Variants in ADARB2 observed in about 807,000 individuals in gnomAD.
The protein encoded by ADARB2 is adenosine deaminase RNA specific B2 (inactive).
Under a neutral mutation model 62.2 loss-of-function variants are expected in ADARB2, and 25 were observed. The ratio of observed to expected loss-of-function variants is 0.40; its 90% CI spans 0.29 to 0.56. The LOEUF (loss-of-function observed/expected upper bound fraction) is 0.56, where lower values mean the gene tolerates loss of function less well. ADARB2 is among the 20% of genes least tolerant of loss of function. The pLI is 0.43. For synonymous variants in ADARB2, 572 were observed against 500.8 expected (o/e 1.14, Z -1.90); for missense variants, 1,071 against 1,077.4 (o/e 0.99, Z 0.08).
chr10:1,660,739 A>G (rs1834236082), intron 1 of ADARB2, among the ~76,000 whole-genome samples: 1 of 152,176 alleles, frequency 6.6e-6, no homozygotes, highest in East Asian at 1.9e-4. Context: ...CCTTGGCCCC[A>G]AAGTCTCTGA....
chr10:1,219,685 G>A (rs1026468289), intron 6 of ADARB2, among the ~76,000 whole-genome samples: 3 of 152,004 alleles, frequency 2.0e-5, no homozygotes, highest in Non-Finnish European at 4.4e-5. Flanking sequence ...GGTGGTGATG[G>A]TGATAATGGA....
intron 1 of ADARB2, among the ~76,000 whole-genome samples, chr10:1,496,140 T>A (rs111170557): frequency 0.094 from 14,233 of 151,732 alleles, 1,116 homozygotes; most frequent in East Asian, 0.32. Context: ...TTAGTCATCA[T>A]AATCACCATC....
At chr10:1,228,697 G>A (rs771248517) in intron 6 of ADARB2, among the ~76,000 whole-genome samples, 1 of 152,204 alleles carries the variant, frequency 6.6e-6, no homozygotes, top group Non-Finnish European at 1.5e-5. Flanking sequence ...CTGAGTCTGC[G>A]GTCTCTGTCG....
intron 1 of ADARB2, among the ~76,000 whole-genome samples, chr10:1,548,179 A>T (rs1408902020): frequency 2.0e-5 from 3 of 152,102 alleles, no homozygotes; most frequent in African/African-American, 7.2e-5. Flanking sequence ...GGCTCAGGTG[A>T]GTTTTCCAGC....
intron 1 of ADARB2, among the ~76,000 whole-genome samples, chr10:1,531,023 T>C (rs1218197963): frequency 6.6e-6 from 1 of 152,192 alleles, no homozygotes; most frequent in African/African-American, 2.4e-5. Flanking sequence ...CCTGAGCATT[T>C]CTGCCTCCCA....
intron 1 of ADARB2, among the ~76,000 whole-genome samples, chr10:1,705,392 G>A (rs957865610): frequency 2.0e-5 from 3 of 152,174 alleles, no homozygotes; most frequent in East Asian, 3.9e-4. Context: ...GGTCCTGGGG[G>A]ACCGGAGAGG....
chr10:1,321,804 T>A (rs1831798277), intron 3 of ADARB2, among the ~76,000 whole-genome samples: 1 of 152,194 alleles, frequency 6.6e-6, no homozygotes, highest in African/African-American at 2.4e-5. Context: ...GTAAGCCCTG[T>A]ACTCTAATGT....
intron 3 of ADARB2, among the ~76,000 whole-genome samples, chr10:1,289,257 A>G (rs1308024663): frequency 6.6e-6 from 1 of 152,204 alleles, no homozygotes; most frequent in Non-Finnish European, 1.5e-5. Context: ...GTCTTTCCAG[A>G]CTGAACCAAT....
At chr10:1,648,623 G>A (rs1271189840) in intron 1 of ADARB2, among the ~76,000 whole-genome samples, 1 of 152,108 alleles carries the variant, frequency 6.6e-6, no homozygotes, top group African/African-American at 2.4e-5. Context: ...TGGCCCCCGT[G>A]GAAACATGTT....
intron 4 of ADARB2, among the ~76,000 whole-genome samples, chr10:1,250,877 G>A (rs1001055598): frequency 4.6e-5 from 7 of 152,186 alleles, no homozygotes; most frequent in African/African-American, 1.4e-4. Context: ...GTCACTGTGG[G>A]GATGGGGTGT....
intron 1 of ADARB2, among the ~76,000 whole-genome samples, chr10:1,576,498 C>T (rs1833023348): frequency 6.6e-6 from 1 of 152,136 alleles, no homozygotes; most frequent in South Asian, 2.1e-4. Flanking sequence ...TGCTATGGTT[C>T]TGTGGTGCTG....
At chr10:1,604,184 AT>A (rs891416710) in intron 1 of ADARB2, among the ~76,000 whole-genome samples, 2 of 152,162 alleles carry the variant, frequency 1.3e-5, no homozygotes, top group African/African-American at 2.4e-5. Context: ...AGAAAAATAT[AT>A]TTTTTTCAGC....
chr10:1,190,632 G>C (rs1836829558), intron 8 of ADARB2, among the ~76,000 whole-genome samples: 1 of 152,146 alleles, frequency 6.6e-6, no homozygotes, highest in South Asian at 2.1e-4. Context: ...CCCAGCCTCT[G>C]CTCAATCCCA....
At chr10:1,397,972 C>T (rs1439337228) in intron 1 of ADARB2, among the ~76,000 whole-genome samples, 3 of 139,366 alleles carry the variant, frequency 2.2e-5, no homozygotes, top group Admixed American at 2.1e-4. Flanking sequence ...TCCGTCTCTC[C>T]CCTCCCGAGT....
At chr10:1,528,122 C>T (rs905957665) in intron 1 of ADARB2, among the ~76,000 whole-genome samples, 1 of 152,216 alleles carries the variant, frequency 6.6e-6, no homozygotes, top group Non-Finnish European at 1.5e-5. Context: ...TCGACAAACT[C>T]GTGTCCGCGG....
intron 3 of ADARB2, among the ~76,000 whole-genome samples, chr10:1,354,476 CTT>C (rs1201524950): frequency 2.6e-5 from 4 of 151,932 alleles, no homozygotes; most frequent in African/African-American, 9.7e-5. Flanking sequence ...CGCTGATTCT[CTT>C]TTTGGACTCA....
intron 8 of ADARB2, among the ~76,000 whole-genome samples, chr10:1,186,310 C>T (rs932649126): frequency 2.6e-5 from 4 of 152,212 alleles, no homozygotes; most frequent in Admixed American, 1.3e-4. Flanking sequence ...GGGGGAGGCA[C>T]GTGCTGTTTG....
intron 3 of ADARB2, among the ~76,000 whole-genome samples, chr10:1,346,702 G>A (rs57522688): frequency 0.046 from 6,993 of 152,310 alleles, 177 homozygotes; most frequent in South Asian, 0.098. Flanking sequence ...GCCCCACCCC[G>A]TCTCCTGCTC....
At chr10:1,574,601 T>C (rs1588308198) in intron 1 of ADARB2, among the ~76,000 whole-genome samples, 4 of 152,302 alleles carry the variant, frequency 2.6e-5, no homozygotes, top group Admixed American at 2.6e-4. Context: ...CCTGTCCTTA[T>C]AGACCCTGCT....
Sources: allele counts gnomAD v4.1 joint callset (sites outside exome capture counted in the v4.1 genomes callset), GRCh38; gene constraint gnomAD v4.1.1; transcripts MANE v1.5; gene names NCBI Gene and HGNC (gene_info 2026-07-23, HGNC 2026-07-21).